The following INTS11 variants were observed in gnomAD, a reference collection of about 807,000 sequenced individuals.
INTS11 encodes integrator complex subunit 11, also known as CPSF3-like protein.
Under a neutral mutation model 78.6 loss-of-function variants are expected in INTS11, and 77 were observed. The ratio of observed to expected loss-of-function variants is 0.98; its 90% CI spans 0.81 to 1.18. The LOEUF (loss-of-function observed/expected upper bound fraction) is 1.18. INTS11 is among the 50% of genes most tolerant of loss of function. The pLI is 0.00. For synonymous variants in INTS11, 441 were observed against 326.9 expected, an observed-to-expected ratio of 1.35 and a Z score of -3.77; for missense variants, 875 against 825.9, an observed-to-expected ratio of 1.06 and a Z score of -0.73.
rs889807027 is a variant in INTS11, at chr1:1,323,141, C to A, written c.28+1440G>T. The A allele has an allele frequency of 3.9e-6, 6 of 1,548,364 alleles. No homozygotes were observed. In the Admixed American group the frequency reaches 1.2e-4, roughly 30 times the overall value. ...GCCAGGGGTGTTCACAGCACAGTGT[C>A]CACACCGGGGCGGGGGGCACCCTCC... On this transcript the variant is annotated intron_variant, in intron 1 of 16. Coordinates refer to ENST00000435064, the MANE Select transcript of INTS11 (RefSeq NM_017871.6).
chr1:1,312,759 G>A lies in INTS11; in HGVS notation c.1294+28C>T, dbSNP rs767850399. ...GGCTGCCCGTGCTGACCCGAGGTGGGCCCCACGCCGCCCGCCCGGCTGCCT... is the reference window on the plus strand; with the variant it reads ...GGCTGCCCGTGCTGACCCGAGGTGGACCCCACGCCGCCCGCCCGGCTGCCT... On this transcript the variant is annotated intron_variant, in intron 12 of 16. Coordinates refer to ENST00000435064, the MANE Select transcript of INTS11 (RefSeq NM_017871.6). 4 of 1,596,986 alleles carry A rather than the reference G, an allele frequency of 2.5e-6. No individual in the cohort carries two copies. In the African/African-American group the frequency reaches 4.0e-5, roughly 16 times the overall value.
At position 1,312,968 on chromosome 1, in the gene INTS11, G is replaced by T. The variant is rs369337063; in HGVS notation, c.1132-19C>A. On this transcript the variant is annotated intron_variant, in intron 11 of 16. Transcript: ENST00000435064. ...CCTCCAGCTACAGAGGCCACGGGGC[G>T]TGGACAGTGGTTACCACCAGGAGGT... 3 of 1,611,852 alleles carry T rather than the reference G, an allele frequency of 1.9e-6. No homozygotes were observed. In the Admixed American group the frequency reaches 5.0e-5, roughly 27 times the overall value.
rs529799687 is a variant in INTS11 at position 1,313,181 on chromosome 1, C to T, written c.1042-57G>A. On this transcript the variant is annotated intron_variant, in intron 10 of 16. Coordinates refer to ENST00000435064, the MANE Select transcript of INTS11 (RefSeq NM_017871.6). Reference sequence around the variant, plus strand: ...AACTCCAGCCTTGGCACCTCAAGGCCTTGCCCGGGATGCCCCCGCCTGAAC... The same window carrying T: ...AACTCCAGCCTTGGCACCTCAAGGCTTTGCCCGGGATGCCCCCGCCTGAAC... The T allele has an allele frequency of 3.4e-3, 5,167 of 1,541,020 alleles. 8 individuals are homozygous for T. The highest frequency in any genetic ancestry group is 4.1e-3 in the Non-Finnish European group (4,669 of 1,139,126).
rs958028263 is a variant in INTS11, at chr1:1,311,653, A to G, written c.*206T>C. 37 of 711,254 alleles carry G rather than the reference A, an allele frequency of 5.2e-5. No homozygotes were observed. The highest frequency in any genetic ancestry group is 7.8e-5 in the Non-Finnish European group (31 of 397,080). The allele number at this position is 711,254 out of a possible 1,614,324, so 44.1% of individuals were successfully genotyped here. On this transcript the variant is annotated 3_prime_UTR_variant, in exon 17 of 17. Transcript: ENST00000435064. ...CTGTCTAGGACCACCTGCCCTAACC[A>G]GGAATAAAGGCAAGACAGCCTGGAG...
intron 1 of INTS11, chr1:1,322,642 G>C (rs1643017174): frequency 7.9e-6 from 1 of 126,026 alleles, no homozygotes. Flanking sequence ...AGGCAGCAGG[G>C]AGGGACAGGC....
rs141683763 is a variant in INTS11, at chr1:1,311,609, C to G, written c.*250G>C. 1.4e-6 allele frequency: 1 copy of G among 716,514 alleles called. No homozygotes were observed. Among genetic ancestry groups the G allele is most frequent in the Non-Finnish European group, 2.5e-6 (1 of 398,648 alleles). The allele number at this position is 716,514 out of a possible 1,614,324, so 44.4% of individuals were successfully genotyped here. A position where few individuals can be genotyped will look rare whatever the true frequency, so the allele number is the denominator to read the frequency against. On this transcript the variant is annotated 3_prime_UTR_variant, in exon 17 of 17. Transcript: ENST00000435064. ...AGAGAGTACCAAGTAGTCTTTTGTT[C>G]AGCTTTTACTGGAAACTGCTGTCTA...
rs555342358 is a variant in INTS11, at chr1:1,314,023, G to A, written c.768-102C>T. On this transcript the variant is annotated intron_variant, in intron 8 of 16. Coordinates refer to ENST00000435064, the MANE Select transcript of INTS11 (RefSeq NM_017871.6). The surrounding 1 kb of genome is among the most constrained non-coding windows in gnomAD (Gnocchi z 4.2). Reference sequence around the variant, plus strand: ...CAACACCCGTGTCTGCACAGCCCACGCACGGGCCAGGTTGAGTCCAGTCGC... The same window carrying A: ...CAACACCCGTGTCTGCACAGCCCACACACGGGCCAGGTTGAGTCCAGTCGC... The A allele has an allele frequency of 2.0e-5, 24 of 1,221,028 alleles. No individual in the cohort carries two copies. The highest frequency in any genetic ancestry group is 1.9e-4 in the East Asian group (8 of 42,470). The allele number at this position is 1,221,028 out of a possible 1,614,324, so 75.6% of individuals were successfully genotyped here.
intron 4 of INTS11, chr1:1,316,537 G>C (rs1642619971): frequency 6.6e-6 from 1 of 152,218 alleles, no homozygotes; most frequent in African/African-American, 2.4e-5. Context: ...AGTGAGCTGA[G>C]ATTGTGCCAT....
intron 3 of INTS11, 200 bp downstream of exon 3, chr1:1,320,256 G>A (rs1345797060): frequency 3.4e-6 from 2 of 587,732 alleles, no homozygotes; most frequent in African/African-American, 1.9e-5. Flanking sequence ...GGTTCAGAGG[G>A]CAGGGCCGGA....
At position 1,314,409 on chromosome 1, in the gene INTS11, G is replaced by A. The variant is rs763707143; in HGVS notation, c.703-44C>T. ...AGGAGCCCTGGGCACATGGCCCCTCGACACAGCAGGCAGCGTCCAGTGAGG... is the reference window on the plus strand; with the variant it reads ...AGGAGCCCTGGGCACATGGCCCCTCAACACAGCAGGCAGCGTCCAGTGAGG... On this transcript the variant is annotated intron_variant, in intron 7 of 16. Transcript: ENST00000435064. The surrounding 1 kb of genome is among the most constrained non-coding windows in gnomAD (Gnocchi z 4.2). 76 of 1,549,104 alleles carry A rather than the reference G, an allele frequency of 4.9e-5. No homozygotes were observed. In the Admixed American group the frequency reaches 1.0e-3, roughly 21 times the overall value.
intron 4 of INTS11, 67 bp downstream of exon 4, chr1:1,319,229 G>T (rs766691612): frequency 2.3e-6 from 3 of 1,322,986 alleles, no homozygotes; most frequent in Non-Finnish European, 3.3e-6. Context: ...TGTGTAGAAC[G>T]GGCGGAGGGC....
chr1:1,321,997 G>C (rs956622471), intron 1 of INTS11: 8 of 1,350,022 alleles, frequency 5.9e-6, no homozygotes, highest in Non-Finnish European at 3.8e-6. Context: ...GCCACAGAGA[G>C]GGGATCTCAG....
rs140077512 is a variant in INTS11 at position 1,312,089 on chromosome 1, C to T, written c.1666G>A (p.Val556Ile). ...GAAGGGGCGGCGGCCTGGAGGAGGA[C>T]GGACTCCACAGTCACAGAGCCGTCT... Reference protein sequence around the residue: ...LPDGSVTVESVLLQAAAPSED... With the variant: ...LPDGSVTVESILLQAAAPSED... Residue 556 changes from valine to isoleucine, a missense_variant, in exon 16 of 17, where the codon GTC becomes ATC. Physicochemically the swap from Val to Ile is conservative, Grantham distance 29. Coordinates refer to ENST00000435064, the MANE Select transcript of INTS11 (RefSeq NM_017871.6). 119 of 1,574,892 alleles carry T rather than the reference C, an allele frequency of 7.6e-5. No individual in the cohort carries two copies. Among genetic ancestry groups the T allele is most frequent in the Middle Eastern group, 6.8e-4 (4 of 5,870 alleles).
At chr1:1,321,276 C>T (rs1642932244) in intron 1 of INTS11, among the ~76,000 whole-genome samples, 183 bp from the exon 2 acceptor site, 1 of 152,210 alleles carries the variant, frequency 6.6e-6, no homozygotes. Context: ...GACCATGCCC[C>T]ACACCATCAT....
intron 3 of INTS11, 144 bp downstream of exon 3, chr1:1,320,312 A>G (rs1570736809): frequency 1.4e-6 from 1 of 734,900 alleles, no homozygotes; most frequent in East Asian, 2.5e-5. Flanking sequence ...TAAGGCAGGC[A>G]GGGAGCAGAT....
At chr1:1,319,132 G>A (rs1287687451) in intron 4 of INTS11, 164 bp downstream of exon 4, 7 of 801,372 alleles carry the variant, frequency 8.7e-6, no homozygotes, top group African/African-American at 3.4e-5. Context: ...CCGCATCCTC[G>A]CGCTGACGCC....
intron 1 of INTS11, chr1:1,322,980 A>G (rs1279145031): frequency 7.3e-7 from 1 of 1,374,844 alleles, no homozygotes; most frequent in Non-Finnish European, 9.4e-7. Context: ...AGATGTCCAG[A>G]GAGTGGGCAG....
At chr1:1,315,255 T>C (rs1376701561) in intron 6 of INTS11, 149 bp downstream of exon 6, 1 of 969,752 alleles carries the variant, frequency 1.0e-6, no homozygotes, top group African/African-American at 1.6e-5. Flanking sequence ...TTCGCGCATT[T>C]GGGCCCAGAA....
chr1:1,318,929 C>A (rs1557640259), intron 4 of INTS11: 1 of 716,676 alleles, frequency 1.4e-6, no homozygotes, highest in Non-Finnish European at 2.6e-6. Context: ...CCCTCCAGCC[C>A]CTGCCTCCCT....
Sources: allele counts gnomAD v4.1 joint callset (sites outside exome capture counted in the v4.1 genomes callset), GRCh38; gene constraint gnomAD v4.1.1; non-coding constraint Gnocchi (gnomAD v3.1); transcripts MANE v1.5; gene names NCBI Gene and HGNC (gene_info 2026-07-23, HGNC 2026-07-21).